CTNNA3: variants seen among roughly 807,000 people sequenced by gnomAD.
CTNNA3 encodes catenin alpha-3.
Under a neutral mutation model 95.7 loss-of-function variants are expected in CTNNA3, and 76 were observed. The observed-to-expected ratio is 0.79, with a 90% CI of 0.66 to 0.96. The LOEUF (loss-of-function observed/expected upper bound fraction) is 0.96, where lower values mean the gene tolerates loss of function less well. Ranked by LOEUF, CTNNA3 falls within the 40% of genes least tolerant of loss-of-function variation. CTNNA3 has a pLI of 0.00. For synonymous variants in CTNNA3, 431 were observed against 374.4 expected (o/e 1.15, Z -1.74); for missense variants, 1,191 against 1,089.8 (o/e 1.09, Z -1.31).
At chr10:66,367,768 T>C (rs2092720624) in intron 12 of CTNNA3, among the ~76,000 whole-genome samples, 2 of 148,824 alleles carry the variant, frequency 1.3e-5, no homozygotes, top group Non-Finnish European at 3.0e-5. Context: ...GTAATGCATT[T>C]TACAGAGGAT....
At chr10:66,876,678 C>T (rs924110985) in intron 7 of CTNNA3, among the ~76,000 whole-genome samples, 4 of 135,194 alleles carry the variant, frequency 3.0e-5, no homozygotes, top group African/African-American at 1.1e-4. Flanking sequence ...TAAATTCGGC[C>T]CTAACAATGT....
At position 67,564,201 on chromosome 10, in the gene CTNNA3, T is replaced by A. The variant is rs916107516; in HGVS notation, c.293-24532A>T. On this transcript the variant is annotated intron_variant, in intron 3 of 17. Transcript: ENST00000433211. ...ATAAAGACACATGCACACGTATGTTTATTGTGGCACTATTCACAATAGCAA... is the reference window on the plus strand; with the variant it reads ...ATAAAGACACATGCACACGTATGTTAATTGTGGCACTATTCACAATAGCAA... Among the ~76,000 whole-genome samples, 22 of 149,932 alleles carry A rather than the reference T, an allele frequency of 1.5e-4. 1 individual carries two copies. In the East Asian group the frequency reaches 1.7e-3, roughly 12 times the overall value.
chr10:66,110,672 C>T (rs1364509911), intron 13 of CTNNA3, among the ~76,000 whole-genome samples: 1 of 152,070 alleles, frequency 6.6e-6, no homozygotes, highest in East Asian at 1.9e-4. Context: ...CTAAAGATAT[C>T]CAGTGCTAAT....
At chr10:66,495,800 C>T (rs550737669) in intron 11 of CTNNA3, among the ~76,000 whole-genome samples, 3 of 152,084 alleles carry the variant, frequency 2.0e-5, no homozygotes, top group African/African-American at 4.8e-5. Context: ...GGATTACAGG[C>T]GTGCACCACA....
intron 7 of CTNNA3, among the ~76,000 whole-genome samples, chr10:66,799,272 C>T (rs1238825359): frequency 6.6e-6 from 1 of 151,416 alleles, no homozygotes; most frequent in African/African-American, 2.4e-5. Context: ...ATAGACAATA[C>T]ATATAGGCCC....
intron 7 of CTNNA3, among the ~76,000 whole-genome samples, chr10:66,983,216 G>T (rs1235656934): frequency 6.6e-6 from 1 of 152,126 alleles, no homozygotes; most frequent in Non-Finnish European, 1.5e-5. Flanking sequence ...AAAGACAAAT[G>T]GAGGCTTTGG....
At chr10:66,611,394 A>C (rs940383818) in intron 10 of CTNNA3, among the ~76,000 whole-genome samples, 1 of 152,130 alleles carries the variant, frequency 6.6e-6, no homozygotes, top group African/African-American at 2.4e-5. Context: ...ATGTACCCCC[A>C]AAATATATAT....
intron 13 of CTNNA3, among the ~76,000 whole-genome samples, chr10:66,246,078 C>T (rs2090310799): frequency 6.6e-6 from 1 of 152,190 alleles, no homozygotes; most frequent in African/African-American, 2.4e-5. Context: ...GGGGCCTCAC[C>T]AGGGATGTAC....
At chr10:66,899,067 T>C (rs951879038) in intron 7 of CTNNA3, among the ~76,000 whole-genome samples, 2 of 152,194 alleles carry the variant, frequency 1.3e-5, no homozygotes, top group Non-Finnish European at 2.9e-5. Context: ...TCAATAGACA[T>C]TTCTTCAAAG....
At chr10:66,288,786 C>G (rs900463444) in intron 12 of CTNNA3, among the ~76,000 whole-genome samples, 3 of 151,992 alleles carry the variant, frequency 2.0e-5, no homozygotes, top group Non-Finnish European at 4.4e-5. Context: ...TCGGTATCAT[C>G]TTTGATTCTG....
intron 15 of CTNNA3, among the ~76,000 whole-genome samples, chr10:66,009,797 T>A: frequency 6.6e-6 from 1 of 152,336 alleles, no homozygotes; most frequent in East Asian, 1.9e-4. Flanking sequence ...GAAGGCATGG[T>A]CCATGGCTGA....
chr10:67,757,270 G>A (rs1379510570), intron 1 of CTNNA3, among the ~76,000 whole-genome samples: 1 of 152,200 alleles, frequency 6.6e-6, no homozygotes, highest in Non-Finnish European at 1.5e-5. Context: ...TTAAAGGCAT[G>A]GGCATAGATG....
Position 66,364,421 on chromosome 10 carries a change from C to T in CTNNA3, c.1732+14731G>A, listed in dbSNP as rs188618971. 5.9e-5 allele frequency among the ~76,000 whole-genome samples: 9 copies of T among 151,878 alleles called. No homozygotes were observed. The East Asian group carries it at 9.7e-4, about 16-fold the overall frequency. ...GAATAAAAAAATTACATCGACAAAACACCTAGTTCTCCAGGAGTAAAAATG... is the reference window on the plus strand; with the variant it reads ...GAATAAAAAAATTACATCGACAAAATACCTAGTTCTCCAGGAGTAAAAATG... On this transcript the variant is annotated intron_variant, in intron 12 of 17. Coordinates refer to ENST00000433211, the MANE Select transcript of CTNNA3 (RefSeq NM_013266.4).
In CTNNA3 at chr10:66,919,799, T is replaced by G. The variant is rs16923759; in HGVS notation, c.1048-144275A>C. On this transcript the variant is annotated intron_variant, in intron 7 of 17. Transcript: ENST00000433211. The stretch of plus-strand genomic sequence containing the variant: ...CTGGATATAATTACAAATGTAGACA[T>G]GCATATGAGTATTCTAACTAGAAAT... Among the ~76,000 whole-genome samples, 777 of 152,234 alleles carry G rather than the reference T, an allele frequency of 5.1e-3. 6 individuals carry two copies. Among genetic ancestry groups the G allele is most frequent in the African/African-American group, 0.018 (729 of 41,560 alleles).
intron 15 of CTNNA3, among the ~76,000 whole-genome samples, chr10:66,039,079 C>T (rs1482009570): frequency 6.6e-6 from 1 of 152,146 alleles, no homozygotes; most frequent in African/African-American, 2.4e-5. Context: ...ACAAAAATCA[C>T]TAGCATTCTT....
intron 5 of CTNNA3, among the ~76,000 whole-genome samples, chr10:67,485,023 T>C (rs1339135686): frequency 6.6e-6 from 1 of 152,132 alleles, no homozygotes; most frequent in Non-Finnish European, 1.5e-5. Flanking sequence ...CACTCATATG[T>C]TCATCACAGC....
chr10:66,998,381 A>T (rs1851477620), intron 7 of CTNNA3, among the ~76,000 whole-genome samples: 1 of 152,226 alleles, frequency 6.6e-6, no homozygotes, highest in Non-Finnish European at 1.5e-5. Context: ...ATGTAAAAGC[A>T]TAGCACAAAA....
chr10:66,267,267 C>A (rs1302692590), intron 13 of CTNNA3, among the ~76,000 whole-genome samples: 1 of 152,070 alleles, frequency 6.6e-6, no homozygotes, highest in Non-Finnish European at 1.5e-5. Context: ...TGTACACTGG[C>A]GTCCAGGTAC....
At chr10:66,558,028 T>C (rs1402660422) in intron 10 of CTNNA3, among the ~76,000 whole-genome samples, 3 of 152,124 alleles carry the variant, frequency 2.0e-5, no homozygotes, top group East Asian at 3.9e-4. Flanking sequence ...TCATACTCCT[T>C]ACCCTTGAAA....
Sources: allele counts gnomAD v4.1 joint callset (sites outside exome capture counted in the v4.1 genomes callset), GRCh38; gene constraint gnomAD v4.1.1; transcripts MANE v1.5; gene names NCBI Gene and HGNC (gene_info 2026-07-23, HGNC 2026-07-21).